TNFRSF11B: variants seen among roughly 807,000 people sequenced by gnomAD.
TNFRSF11B encodes the protein tumor necrosis factor receptor superfamily member 11B.
Under a neutral mutation model 43.4 loss-of-function variants are expected in TNFRSF11B, and 16 were observed. The ratio of observed to expected loss-of-function variants is 0.37; its 90% CI spans 0.25 to 0.56. The LOEUF is 0.56. Ranked by LOEUF, TNFRSF11B falls within the 20% of genes least tolerant of loss-of-function variation. TNFRSF11B has a pLI of 0.80. For missense variants in TNFRSF11B, 444 were observed against 490.1 expected (o/e 0.91, Z 0.89); for synonymous variants, 185 against 181.8 (o/e 1.02, Z -0.14).
chr8:118,928,905 C>T lies in TNFRSF11B; in HGVS notation c.425G>A (p.Cys142Tyr), dbSNP rs1812285921. The change falls in exon 3 of 5, where the codon TGC becomes TAC. Residue 142 changes from cysteine to tyrosine, a missense_variant. Cys to Tyr is a radical substitution (Grantham distance 194). Transcript: ENST00000297350. ...QAGTPERNTV[C>Y]KRCPDGFFSN... ...GAAGAACCCATCTGGACATCTTTTGCAAACTGTATTTCGCTCTGGGGTTCC... is the reference window on the plus strand; with the variant it reads ...GAAGAACCCATCTGGACATCTTTTGTAAACTGTATTTCGCTCTGGGGTTCC... 1 of 1,614,060 alleles carries T rather than the reference C, an allele frequency of 6.2e-7. No homozygotes were observed. The highest frequency in any genetic ancestry group is 1.3e-5 in the African/African-American group (1 of 74,924).
In TNFRSF11B at chr8:118,951,866, G is replaced by A. The variant is rs1467080164; in HGVS notation, c.-45C>T. 3.2e-6 allele frequency: 5 copies of A among 1,550,660 alleles called. No individual in the cohort carries two copies. Among genetic ancestry groups the A allele is most frequent in the Non-Finnish European group, 4.4e-6 (5 of 1,142,252 alleles). On this transcript the variant is annotated 5_prime_UTR_variant, in exon 1 of 5. Transcript: ENST00000297350. ...AGGGGCTTGGAGGCGGCGGCTGGGC[G>A]AGCGCTCCGGTGCGTCTCCGCAGCC...
chr8:118,925,932 T>A (rs1036417321), intron 4 of TNFRSF11B, among the ~76,000 whole-genome samples: 1 of 152,366 alleles, frequency 6.6e-6, no homozygotes, highest in African/African-American at 2.4e-5. Flanking sequence ...CATTTTGCTG[T>A]AACTAGCTTT....
At chr8:118,935,639 T>C (rs1201129770) in intron 1 of TNFRSF11B, among the ~76,000 whole-genome samples, 1 of 152,182 alleles carries the variant, frequency 6.6e-6, no homozygotes, top group Non-Finnish European at 1.5e-5. Flanking sequence ...AGGGCTCCTA[T>C]AGTGTAATCA....
chr8:118,943,536 C>A (rs1187277320), intron 1 of TNFRSF11B, among the ~76,000 whole-genome samples: 1 of 151,972 alleles, frequency 6.6e-6, no homozygotes, highest in Non-Finnish European at 1.5e-5. Context: ...TAGTATAGAG[C>A]AGAAAAATTT....
intron 2 of TNFRSF11B, among the ~76,000 whole-genome samples, chr8:118,929,277 T>G (rs1387762551): frequency 6.6e-6 from 1 of 152,218 alleles, no homozygotes. Flanking sequence ...CTTCATACAA[T>G]TATTCCTAGA....
intron 2 of TNFRSF11B, among the ~76,000 whole-genome samples, chr8:118,932,069 A>T (rs531185774): frequency 6.6e-6 from 1 of 152,358 alleles, no homozygotes; most frequent in African/African-American, 2.4e-5. Flanking sequence ...GCAGGGCTTC[A>T]GTTGAGAAAC....
intron 2 of TNFRSF11B, among the ~76,000 whole-genome samples, chr8:118,931,003 AT>A (rs1812320688): frequency 6.6e-6 from 1 of 152,226 alleles, no homozygotes; most frequent in African/African-American, 2.4e-5. Flanking sequence ...CAGTGGAAAT[AT>A]AAAAATTATA....
intron 3 of TNFRSF11B, among the ~76,000 whole-genome samples, chr8:118,928,254 T>G (rs1812274386): frequency 6.6e-6 from 1 of 150,380 alleles, no homozygotes; most frequent in Non-Finnish European, 1.5e-5. Context: ...AATCCTGACC[T>G]CAAGTGATCT....
At position 118,924,328 on chromosome 8, in the gene TNFRSF11B, T is replaced by G; in HGVS notation, c.*46A>C. On this transcript the variant is annotated 3_prime_UTR_variant, in exon 5 of 5. Coordinates refer to ENST00000297350, the MANE Select transcript of TNFRSF11B (RefSeq NM_002546.4). ...GCCTGAGAAACAGTTTACTCATCCA[T>G]GGGATCTCGCCAATTGTGAGGAAAC... 6.2e-7 allele frequency: 1 copy of G among 1,609,552 alleles called. No homozygotes were observed. Among genetic ancestry groups the G allele is most frequent in the Non-Finnish European group, 8.5e-7 (1 of 1,177,278 alleles).
intron 1 of TNFRSF11B, among the ~76,000 whole-genome samples, chr8:118,936,729 G>A (rs1467728115): frequency 6.6e-6 from 1 of 152,004 alleles, no homozygotes; most frequent in Non-Finnish European, 1.5e-5. Context: ...AGGATGAGGT[G>A]CTGTCTGTAG....
At chr8:118,929,965 A>T (rs542141682) in intron 2 of TNFRSF11B, among the ~76,000 whole-genome samples, 3 of 152,346 alleles carry the variant, frequency 2.0e-5, no homozygotes, top group African/African-American at 7.2e-5. Flanking sequence ...ATCTTTTACC[A>T]AAACCAGAAA....
At chr8:118,935,075 C>G (rs1202982912) in intron 1 of TNFRSF11B, among the ~76,000 whole-genome samples, 1 of 152,168 alleles carries the variant, frequency 6.6e-6, no homozygotes, top group South Asian at 2.1e-4. Flanking sequence ...TGCTGTAATG[C>G]AAGGAACTCC....
intron 3 of TNFRSF11B, among the ~76,000 whole-genome samples, chr8:118,927,505 A>G (rs184291424): frequency 6.6e-6 from 1 of 152,280 alleles, no homozygotes. Flanking sequence ...GAATTAATTA[A>G]AGAGAATGTT....
rs1812211290 is a variant in TNFRSF11B, at chr8:118,923,767, A to G, written c.*607T>C. 1 of 152,602 alleles carries G rather than the reference A, an allele frequency of 6.6e-6. No homozygotes were observed. Among genetic ancestry groups the G allele is most frequent in the South Asian group, 2.1e-4 (1 of 4,826 alleles). The allele number at this position is 152,602 out of a possible 1,614,324, so 9.5% of individuals were successfully genotyped here. ...ACAGATAAAATTATAAAAATACTCC[A>G]CACAGAAAAATATGGCAGTACCTAT... On this transcript the variant is annotated 3_prime_UTR_variant, in exon 5 of 5. Coordinates refer to ENST00000297350, the MANE Select transcript of TNFRSF11B (RefSeq NM_002546.4).
intron 1 of TNFRSF11B, among the ~76,000 whole-genome samples, chr8:118,941,717 G>C (rs1266783157): frequency 6.6e-6 from 1 of 151,408 alleles, no homozygotes; most frequent in African/African-American, 2.4e-5. Flanking sequence ...AACAAATGAA[G>C]GCAAAAAAAC....
intron 2 of TNFRSF11B, chr8:118,930,608 C>T (rs1812314030): frequency 3.4e-6 from 1 of 292,162 alleles, no homozygotes; most frequent in Admixed American, 3.9e-5. Flanking sequence ...GGCAGGGTTT[C>T]ATCATGTTGG....
At chr8:118,927,618 C>T (rs1279518555) in intron 3 of TNFRSF11B, among the ~76,000 whole-genome samples, 2 of 141,540 alleles carry the variant, frequency 1.4e-5, no homozygotes, top group Admixed American at 1.5e-4. Context: ...TTCAATTACA[C>T]AATGAAACAA....
At chr8:118,950,032 A>G (rs962825600) in intron 1 of TNFRSF11B, among the ~76,000 whole-genome samples, 1 of 152,248 alleles carries the variant, frequency 6.6e-6, no homozygotes, top group African/African-American at 2.4e-5. Context: ...ATGCTGTATC[A>G]TCTAAAATTA....
At chr8:118,946,694 C>T (rs1161529876) in intron 1 of TNFRSF11B, among the ~76,000 whole-genome samples, 1 of 152,110 alleles carries the variant, frequency 6.6e-6, no homozygotes, top group Non-Finnish European at 1.5e-5. Context: ...GGCGGCTTCA[C>T]ACTCTTCTCT....
Sources: gnomAD v4.1 joint callset for allele counts (sites outside exome capture counted in the v4.1 genomes callset) on GRCh38, gnomAD v4.1.1 for gene constraint, MANE v1.5 for transcripts, NCBI Gene and HGNC (gene_info 2026-07-23, HGNC 2026-07-21) for gene names.